Variants in PAPSS1 observed in about 807,000 individuals in gnomAD.
PAPSS1 encodes bifunctional 3'-phosphoadenosine 5'-phosphosulfate synthase 1.
PAPSS1 carries 50 observed loss-of-function variants against 72.0 expected under a neutral mutation model. The ratio of observed to expected loss-of-function variants is 0.69; its 90% CI spans 0.55 to 0.88. The LOEUF is 0.88. Ranked by LOEUF, PAPSS1 falls within the 40% of genes least tolerant of loss-of-function variation. PAPSS1 has a pLI of 0.00. For missense variants in PAPSS1, 657 were observed against 782.2 expected, an observed-to-expected ratio of 0.84 and a Z score of 1.91; for synonymous variants, 261 against 263.6, an observed-to-expected ratio of 0.99 and a Z score of 0.09.
At chr4:107,704,218 T>A (rs1170279730) in intron 1 of PAPSS1, among the ~76,000 whole-genome samples, 1 of 152,370 alleles carries the variant, frequency 6.6e-6, no homozygotes, top group South Asian at 2.1e-4. Flanking sequence ...TTACTAAATT[T>A]ATTTATTCTA....
At chr4:107,629,923 A>C (rs568989660) in intron 11 of PAPSS1, among the ~76,000 whole-genome samples, 2 of 152,156 alleles carry the variant, frequency 1.3e-5, no homozygotes, top group South Asian at 4.1e-4. Flanking sequence ...TCCTCTCATC[A>C]AACAAGGGCA....
chr4:107,693,665 T>G (rs1394376715), intron 3 of PAPSS1, 106 bp downstream of exon 3: 2 of 726,856 alleles, frequency 2.8e-6, no homozygotes, highest in Non-Finnish European at 4.8e-6. Flanking sequence ...TGGGGAGGAG[T>G]AGAGTTAGCC....
intron 11 of PAPSS1, among the ~76,000 whole-genome samples, chr4:107,631,170 A>G (rs1726216755): frequency 6.6e-6 from 1 of 152,224 alleles, no homozygotes; most frequent in Non-Finnish European, 1.5e-5. Flanking sequence ...CCAAAATCAA[A>G]AACACTTCTG....
chr4:107,713,761 AAAAAAAAAAAAG>A (rs1218327582), intron 1 of PAPSS1, among the ~76,000 whole-genome samples: 2 of 56,858 alleles, frequency 3.5e-5, no homozygotes, highest in Non-Finnish European at 1.2e-4. Context: ...TGTCTCAAAC[AAAAAAAAAAAAG>A]AAAAAAAAAT....
intron 10 of PAPSS1, among the ~76,000 whole-genome samples, chr4:107,632,531 G>C (rs990615635): frequency 6.6e-6 from 1 of 151,606 alleles, no homozygotes. Context: ...AAGATTGGTT[G>C]TGAGTAAACG....
chr4:107,656,880 A>G lies in PAPSS1; in HGVS notation c.895+16T>C, dbSNP rs1290761919. 8 of 1,459,302 alleles carry G rather than the reference A, an allele frequency of 5.5e-6. No individual in the cohort carries two copies. Among genetic ancestry groups the G allele is most frequent in the Non-Finnish European group, 6.7e-6 (7 of 1,039,162 alleles). 90.4% of individuals were successfully genotyped at this position (1,459,302 alleles called of 1,614,324 possible). A position where few individuals can be genotyped will look rare whatever the true frequency, so the allele number is the denominator to read the frequency against. ...TCTTCCACATACAATATAATTTTGA[A>G]TGTAAAATGTCTTACCATCCAGAAG... On this transcript the variant is annotated intron_variant, in intron 7 of 11. Transcript: ENST00000265174.
At chr4:107,716,408 A>C (rs1335939312) in intron 1 of PAPSS1, among the ~76,000 whole-genome samples, 1 of 152,236 alleles carries the variant, frequency 6.6e-6, no homozygotes, top group Non-Finnish European at 1.5e-5. Context: ...GGCTGGAGCT[A>C]TGGAAATTCA....
intron 5 of PAPSS1, among the ~76,000 whole-genome samples, chr4:107,660,766 A>T (rs868437842): frequency 3.3e-5 from 5 of 152,180 alleles, no homozygotes; most frequent in African/African-American, 1.2e-4. Flanking sequence ...AAGAATAATT[A>T]CTAAATGTGT....
At chr4:107,655,010 G>T in intron 7 of PAPSS1, 110 bp from the exon 8 acceptor site, 2 of 703,552 alleles carry the variant, frequency 2.8e-6, no homozygotes, top group Non-Finnish European at 4.6e-6. Context: ...AAAGGCTGTA[G>T]ATCCAGTGAC....
intron 10 of PAPSS1, among the ~76,000 whole-genome samples, chr4:107,643,494 T>G (rs939506691): frequency 6.6e-6 from 1 of 152,194 alleles, no homozygotes; most frequent in Non-Finnish European, 1.5e-5. Flanking sequence ...CTCTATAGAA[T>G]CCTGCTCCCT....
intron 11 of PAPSS1, among the ~76,000 whole-genome samples, chr4:107,625,271 T>C (rs977388376): frequency 6.6e-6 from 1 of 152,174 alleles, no homozygotes; most frequent in Non-Finnish European, 1.5e-5. Context: ...CAAAAGAGAT[T>C]TTGCAGATAC....
At chr4:107,648,416 C>G (rs1420414035) in intron 9 of PAPSS1, among the ~76,000 whole-genome samples, 1 of 152,116 alleles carries the variant, frequency 6.6e-6, no homozygotes, top group African/African-American at 2.4e-5. Flanking sequence ...GCAAACTCAG[C>G]AAATAAATGA....
At chr4:107,687,246 G>T in intron 3 of PAPSS1, 69 bp from the exon 4 acceptor site, 1 of 1,135,562 alleles carries the variant, frequency 8.8e-7, no homozygotes, top group Non-Finnish European at 1.2e-6. Context: ...TTAAAGATGA[G>T]TAAAAAGTGC....
At chr4:107,689,872 G>T (rs1023759770) in intron 3 of PAPSS1, among the ~76,000 whole-genome samples, 1 of 152,086 alleles carries the variant, frequency 6.6e-6, no homozygotes, top group Non-Finnish European at 1.5e-5. Context: ...CTCCTATCCT[G>T]TACTTCATAA....
intron 11 of PAPSS1, among the ~76,000 whole-genome samples, chr4:107,616,567 G>A (rs2110293651): frequency 6.6e-6 from 1 of 152,264 alleles, no homozygotes; most frequent in Middle Eastern, 3.4e-3. Flanking sequence ...ACATGTAAAG[G>A]AAAATGTATT....
intron 10 of PAPSS1, among the ~76,000 whole-genome samples, chr4:107,644,267 C>T (rs2110311182): frequency 6.6e-6 from 1 of 152,270 alleles, no homozygotes; most frequent in Middle Eastern, 3.4e-3. Flanking sequence ...TCCCCTAAGG[C>T]AGTCATAAAA....
At chr4:107,634,883 C>T (rs537364176) in intron 10 of PAPSS1, among the ~76,000 whole-genome samples, 36 of 147,612 alleles carry the variant, frequency 2.4e-4, no homozygotes, top group African/African-American at 8.2e-4. Flanking sequence ...GTGCAAGCTC[C>T]GCCTCCTGGG....
chr4:107,672,379 T>C (rs1399492902), intron 5 of PAPSS1, among the ~76,000 whole-genome samples: 2 of 152,184 alleles, frequency 1.3e-5, no homozygotes, highest in African/African-American at 2.4e-5. Context: ...AATGCCGCAC[T>C]TTTCCAACGG....
At chr4:107,687,471 A>T (rs1722816472) in intron 3 of PAPSS1, among the ~76,000 whole-genome samples, 1 of 152,212 alleles carries the variant, frequency 6.6e-6, no homozygotes, top group Non-Finnish European at 1.5e-5. Flanking sequence ...TCCTGAGCCA[A>T]AGCCCAGCCT....
Sources: gnomAD v4.1 joint callset for allele counts (sites outside exome capture counted in the v4.1 genomes callset) on GRCh38, gnomAD v4.1.1 for gene constraint, MANE v1.5 for transcripts, NCBI Gene and HGNC (gene_info 2026-07-23, HGNC 2026-07-21) for gene names.